MAPKAP1: variants seen among roughly 807,000 people sequenced by gnomAD.
MAPKAP1 encodes MAPK associated protein 1.
Under a neutral mutation model 65.7 loss-of-function variants are expected in MAPKAP1, and 20 were observed. That is an observed-to-expected ratio of 0.30 (90% CI 0.21 to 0.44). MAPKAP1 has a LOEUF of 0.44. MAPKAP1 is among the 20% of genes least tolerant of loss of function. MAPKAP1 has a pLI of 1.00. For synonymous variants in MAPKAP1, 222 were observed against 244.3 expected, an observed-to-expected ratio of 0.91 and a Z score of 0.85; for missense variants, 423 against 648.0, an observed-to-expected ratio of 0.65 and a Z score of 3.77.
At chr9:125,543,383 C>T (rs1291680689) in intron 6 of MAPKAP1, among the ~76,000 whole-genome samples, 12 of 151,978 alleles carry the variant, frequency 7.9e-5, no homozygotes, top group Non-Finnish European at 2.9e-5. Context: ...TCTCCTGCCT[C>T]AGCCTCCCAA....
intron 9 of MAPKAP1, among the ~76,000 whole-genome samples, chr9:125,481,702 G>A (rs560706339): frequency 2.6e-5 from 4 of 152,186 alleles, no homozygotes; most frequent in South Asian, 2.1e-4. Context: ...GATTACAGAC[G>A]TGAGCCATGG....
chr9:125,510,057 G>A (rs1829254846), intron 7 of MAPKAP1, among the ~76,000 whole-genome samples: 1 of 152,196 alleles, frequency 6.6e-6, no homozygotes, highest in Non-Finnish European at 1.5e-5. Flanking sequence ...TATGTGCCAA[G>A]CATGCTATAT....
At chr9:125,497,954 C>A (rs1828857549) in intron 8 of MAPKAP1, among the ~76,000 whole-genome samples, 1 of 152,198 alleles carries the variant, frequency 6.6e-6, no homozygotes, top group Admixed American at 6.5e-5. Flanking sequence ...CAACATTTGG[C>A]AGACAAGGGA....
intron 4 of MAPKAP1, among the ~76,000 whole-genome samples, chr9:125,599,295 G>A (rs1162645703): frequency 6.6e-6 from 1 of 152,164 alleles, no homozygotes; most frequent in African/African-American, 2.4e-5. Context: ...CTGTCACCAT[G>A]TGAAGTAGCC....
intron 6 of MAPKAP1, among the ~76,000 whole-genome samples, chr9:125,554,367 G>A (rs145672918): frequency 3.3e-5 from 5 of 152,274 alleles, no homozygotes; most frequent in Non-Finnish European, 7.4e-5. Context: ...GTTTACCTAG[G>A]ATGGAGGAAG....
intron 4 of MAPKAP1, among the ~76,000 whole-genome samples, chr9:125,656,168 C>T (rs1834026767): frequency 6.6e-6 from 1 of 152,144 alleles, no homozygotes; most frequent in Non-Finnish European, 1.5e-5. Context: ...CAAATAAATT[C>T]CAACTGCTTA....
intron 9 of MAPKAP1, among the ~76,000 whole-genome samples, chr9:125,470,717 G>A (rs949895873): frequency 6.6e-6 from 1 of 152,192 alleles, no homozygotes; most frequent in African/African-American, 2.4e-5. Context: ...CCCCAAGACC[G>A]GGGCTTGGGG....
intron 9 of MAPKAP1, among the ~76,000 whole-genome samples, chr9:125,474,770 A>T (rs944120388): frequency 6.6e-6 from 1 of 152,214 alleles, no homozygotes; most frequent in Admixed American, 6.5e-5. Context: ...ATTTGCTCAG[A>T]TATCATAAGC....
intron 10 of MAPKAP1, among the ~76,000 whole-genome samples, chr9:125,457,092 G>A (rs1029120813): frequency 3.3e-5 from 5 of 151,418 alleles, no homozygotes; most frequent in African/African-American, 7.3e-5. Context: ...GGGTTCAAGC[G>A]ATTCTCCTGC....
At chr9:125,651,908 T>C (rs886889016) in intron 4 of MAPKAP1, among the ~76,000 whole-genome samples, 2 of 152,188 alleles carry the variant, frequency 1.3e-5, no homozygotes, top group African/African-American at 2.4e-5. Context: ...TCAGGCAGCA[T>C]TAAGTAAAAG....
intron 1 of MAPKAP1, among the ~76,000 whole-genome samples, chr9:125,689,763 G>C (rs1835110257): frequency 6.8e-6 from 1 of 148,008 alleles, no homozygotes; most frequent in South Asian, 2.1e-4. Flanking sequence ...AGAAGAAGAA[G>C]AATGAGAGCA....
chr9:125,440,710 G>A (rs1167788932), intron 11 of MAPKAP1, among the ~76,000 whole-genome samples: 1 of 152,218 alleles, frequency 6.6e-6, no homozygotes, highest in African/African-American at 2.4e-5. Context: ...AGTACAGAAG[G>A]CCTGACACGC....
rs568456930 is a variant in MAPKAP1 at position 125,565,028 on chromosome 9, T to C, written c.672-5219A>G. ...GAGAATTGGAAGTTTGAACAACGAA[T>C]GGATGCAAAATAGAGCCTGCTGCCA... On this transcript the variant is annotated intron_variant, in intron 5 of 11. Coordinates refer to ENST00000265960, the MANE Select transcript of MAPKAP1 (RefSeq NM_001006617.3). 7.2e-5 allele frequency among the ~76,000 whole-genome samples: 11 copies of C among 152,252 alleles called. No individual in the cohort carries two copies. The East Asian group carries it at 2.1e-3, about 29-fold the overall frequency.
chr9:125,608,059 T>C (rs1832491157), intron 4 of MAPKAP1, among the ~76,000 whole-genome samples: 1 of 152,210 alleles, frequency 6.6e-6, no homozygotes, highest in Non-Finnish European at 1.5e-5. Context: ...CTGTAGTGAC[T>C]GGGAGGATGA....
At chr9:125,649,008 C>G (rs1833813797) in intron 4 of MAPKAP1, among the ~76,000 whole-genome samples, 1 of 152,132 alleles carries the variant, frequency 6.6e-6, no homozygotes, top group Non-Finnish European at 1.5e-5. Flanking sequence ...CTATGCCCAG[C>G]TAGGTGGAGC....
chr9:125,460,355 A>T (rs527913898), intron 10 of MAPKAP1, among the ~76,000 whole-genome samples: 1 of 152,216 alleles, frequency 6.6e-6, no homozygotes, highest in Admixed American at 6.5e-5. Context: ...ACTCTAACAA[A>T]TATCAATATT....
chr9:125,581,025 T>A (rs1255645687), intron 5 of MAPKAP1, among the ~76,000 whole-genome samples: 1 of 152,254 alleles, frequency 6.6e-6, no homozygotes, highest in Non-Finnish European at 1.5e-5. Context: ...AGTCACTGCA[T>A]GTATGAAAAC....
intron 1 of MAPKAP1, among the ~76,000 whole-genome samples, chr9:125,699,425 G>C (rs1046877380): frequency 2.0e-5 from 3 of 152,056 alleles, no homozygotes; most frequent in African/African-American, 7.2e-5. Flanking sequence ...GCCCAGGCTA[G>C]TCTCTAACTC....
rs528144066 is a variant in MAPKAP1 at position 125,438,233 on chromosome 9, G to A, written c.*654C>T. ...GGTGTGCTGAAGGGGAAAGTGACAC[G>A]GCCTTGGACACACCACTAGGTCTCT... is the stretch of plus-strand genomic sequence containing the variant. On this transcript the variant is annotated 3_prime_UTR_variant, in exon 12 of 12. Transcript: ENST00000265960. 3.0e-5 allele frequency: 12 copies of A among 395,968 alleles called. No individual in the cohort carries two copies. The highest frequency in any genetic ancestry group is 2.3e-4 in the African/African-American group (11 of 48,678). 24.5% of individuals were successfully genotyped at this position (395,968 alleles called of 1,614,324 possible).
Sources: gnomAD v4.1 joint callset for allele counts (sites outside exome capture counted in the v4.1 genomes callset) on GRCh38, gnomAD v4.1.1 for gene constraint, MANE v1.5 for transcripts, NCBI Gene and HGNC (gene_info 2026-07-23, HGNC 2026-07-21) for gene names.